The following HELZ variants were observed in gnomAD, a reference collection of about 807,000 sequenced individuals.
HELZ encodes ATP-dependent RNA helicase with zinc finger domain.
Under a neutral mutation model 218.2 loss-of-function variants are expected in HELZ, and 23 were observed. The observed-to-expected ratio is 0.11, with a 90% CI of 0.08 to 0.15. The LOEUF (loss-of-function observed/expected upper bound fraction) is 0.15. HELZ is among the 10% of genes least tolerant of loss of function. The pLI is 1.00. For missense variants in HELZ, 1,813 were observed against 2,353.7 expected, an observed-to-expected ratio of 0.77 and a Z score of 4.75; for synonymous variants, 814 against 829.4, an observed-to-expected ratio of 0.98 and a Z score of 0.32.
chr17:67,077,314 C>CTTTA lies in HELZ; in HGVS notation c.*937_*938insTAAA. 6.6e-6 allele frequency: 1 copy of CTTTA among 152,420 alleles called. No individual in the cohort carries two copies. Among genetic ancestry groups the CTTTA allele is most frequent in the South Asian group, 2.1e-4 (1 of 4,818 alleles). The allele number at this position is 152,420 out of a possible 1,614,324, so 9.4% of individuals were successfully genotyped here. ...TTACTGGAGAGAAAAAAACCCAAAC[C>CTTTA]TTAAAGCGGCACAATTCTTTATACC... On this transcript the variant is annotated 3_prime_UTR_variant, in exon 33 of 33. Coordinates refer to ENST00000358691, the MANE Select transcript of HELZ (RefSeq NM_014877.4).
chr17:67,218,037 C>T (rs552342906), intron 4 of HELZ, among the ~76,000 whole-genome samples: 248 of 151,720 alleles, frequency 1.6e-3, no homozygotes, highest in African/African-American at 5.7e-3. Context: ...TGGGTTCAAG[C>T]GATCCTCCTG....
At chr17:67,205,449 G>C (rs574175048) in intron 5 of HELZ, among the ~76,000 whole-genome samples, 2 of 152,112 alleles carry the variant, frequency 1.3e-5, no homozygotes, top group African/African-American at 4.8e-5. Context: ...ATAAGGTTGT[G>C]GTAAAGATTA....
Position 67,167,487 on chromosome 17 carries a change from A to G in HELZ, c.1740T>C (p.Asn580=), listed in dbSNP as rs1443473809. 1 of 1,613,352 alleles carries G rather than the reference A, an allele frequency of 6.2e-7. No individual in the cohort carries two copies. Among genetic ancestry groups the G allele is most frequent in the East Asian group, 2.2e-5 (1 of 44,878 alleles). The change falls in exon 14 of 33, where the codon AAT becomes AAC. Residue 580 remains asparagine, a synonymous_variant. Transcript: ENST00000358691. ...CCTGTGTGTCACAGTCAGGCCGAAGATTAAGTTCTTCACAGCATTCCCTAG... is the reference window on the plus strand; with the variant it reads ...CCTGTGTGTCACAGTCAGGCCGAAGGTTAAGTTCTTCACAGCATTCCCTAG... ...RLSRECCEEL[N]LRPDCDTQVE...
intron 4 of HELZ, among the ~76,000 whole-genome samples, chr17:67,216,437 T>A (rs1567900123): frequency 6.6e-6 from 1 of 152,214 alleles, no homozygotes; most frequent in Non-Finnish European, 1.5e-5. Context: ...TTTTTTGCTT[T>A]TGATTGGTTC....
chr17:67,149,369 C>T (rs1162104085), intron 19 of HELZ, among the ~76,000 whole-genome samples: 1 of 152,174 alleles, frequency 6.6e-6, no homozygotes, highest in Non-Finnish European at 1.5e-5. Flanking sequence ...GGTATCTTCA[C>T]AGAAAAACTG....
intron 5 of HELZ, among the ~76,000 whole-genome samples, chr17:67,205,319 T>C (rs1392085340): frequency 1.3e-5 from 2 of 149,626 alleles, no homozygotes; most frequent in Non-Finnish European, 3.0e-5. Context: ...AGAGCGAAAC[T>C]GTCTCAAAAA....
intron 23 of HELZ, among the ~76,000 whole-genome samples, chr17:67,129,610 TTAAC>T (rs2037914280): frequency 6.6e-6 from 1 of 152,094 alleles, no homozygotes; most frequent in Non-Finnish European, 1.5e-5. Context: ...ACTTATACCA[TTAAC>T]TAAGTTATAA....
At chr17:67,187,740 A>G (rs961160538) in intron 12 of HELZ, among the ~76,000 whole-genome samples, 3 of 152,196 alleles carry the variant, frequency 2.0e-5, no homozygotes, top group African/African-American at 7.2e-5. Flanking sequence ...TTGACAATGT[A>G]CAAAGTAATT....
chr17:67,126,729 C>T (rs1299566265), intron 24 of HELZ, among the ~76,000 whole-genome samples: 3 of 141,546 alleles, frequency 2.1e-5, no homozygotes, highest in Non-Finnish European at 3.3e-5. Flanking sequence ...GGCATGGTGG[C>T]GCTTGGCTAT....
At chr17:67,229,330 C>T (rs1329521081) in intron 3 of HELZ, among the ~76,000 whole-genome samples, 1 of 152,174 alleles carries the variant, frequency 6.6e-6, no homozygotes, top group Non-Finnish European at 1.5e-5. Flanking sequence ...CTGCCCAGAA[C>T]ATCCTTTCCT....
At chr17:67,228,525 T>C (rs1437036215) in intron 3 of HELZ, among the ~76,000 whole-genome samples, 1 of 151,218 alleles carries the variant, frequency 6.6e-6, no homozygotes, top group Non-Finnish European at 1.5e-5. Context: ...TAGCTGGGAG[T>C]GGTGGCACAA....
At chr17:67,144,196 T>C (rs756378866) in intron 21 of HELZ, among the ~76,000 whole-genome samples, 13 of 152,152 alleles carry the variant, frequency 8.5e-5, no homozygotes, top group Non-Finnish European at 1.6e-4. Context: ...CCTATATTAG[T>C]ATCCAAATAT....
chr17:67,095,289 T>C (rs575547725), intron 31 of HELZ, among the ~76,000 whole-genome samples: 1 of 152,240 alleles, frequency 6.6e-6, no homozygotes, highest in South Asian at 2.1e-4. Context: ...TCCCAAAACT[T>C]TGGGAGGCCA....
At chr17:67,089,470 G>A (rs1374769752) in intron 31 of HELZ, among the ~76,000 whole-genome samples, 1 of 151,780 alleles carries the variant, frequency 6.6e-6, no homozygotes, top group African/African-American at 2.4e-5. Context: ...TGCACAGCAG[G>A]CTCCGGGGAA....
chr17:67,227,614 G>C (rs2040929967), intron 3 of HELZ, among the ~76,000 whole-genome samples: 1 of 152,152 alleles, frequency 6.6e-6, no homozygotes, highest in African/African-American at 2.4e-5. Flanking sequence ...GCCTCAAAAA[G>C]AACCTCTCCA....
rs893716770 is a variant in HELZ, at chr17:67,074,490, C to T, written c.*3762G>A. The T allele has an allele frequency of 6.6e-6, 1 of 152,034 alleles. No individual in the cohort carries two copies. The highest frequency in any genetic ancestry group is 1.5e-5 in the Non-Finnish European group (1 of 67,964). 9.4% of individuals were successfully genotyped at this position (152,034 alleles called of 1,614,324 possible). On this transcript the variant is annotated 3_prime_UTR_variant, in exon 33 of 33. Coordinates refer to ENST00000358691, the MANE Select transcript of HELZ (RefSeq NM_014877.4). ...TACTAAAATTTATCTTGAAATTGTT[C>T]TTCACACCCTGACTCTTAACAAAGG...
At chr17:67,223,037 G>A (rs1175198621) in intron 3 of HELZ, among the ~76,000 whole-genome samples, 1 of 149,176 alleles carries the variant, frequency 6.7e-6, no homozygotes, top group Non-Finnish European at 1.5e-5. Flanking sequence ...CATGAGGTCA[G>A]GAGATCGAGC....
At chr17:67,121,577 G>A (rs2037612186) in intron 26 of HELZ, among the ~76,000 whole-genome samples, 1 of 152,138 alleles carries the variant, frequency 6.6e-6, no homozygotes, top group East Asian at 1.9e-4. Flanking sequence ...CTGGAGTGTG[G>A]GCAAGGTTGC....
At chr17:67,086,631 A>AATAAATAT (rs1555594209) in intron 32 of HELZ, among the ~76,000 whole-genome samples, 198 bp downstream of exon 32, 7 of 93,318 alleles carry the variant, frequency 7.5e-5, no homozygotes, top group African/African-American at 2.9e-4. Context: ...TATAAATATA[A>AATAAATAT]ATATATATAT....
Sources: allele counts gnomAD v4.1 joint callset (sites outside exome capture counted in the v4.1 genomes callset), GRCh38; gene constraint gnomAD v4.1.1; transcripts MANE v1.5; gene names NCBI Gene and HGNC (gene_info 2026-07-23, HGNC 2026-07-21).